Variants in LINGO2 observed in about 807,000 individuals in gnomAD.
LINGO2 encodes leucine rich repeat and Ig domain containing 2.
In LINGO2, 14 loss-of-function variants were observed where a neutral mutation model predicts 30.6. That is an observed-to-expected ratio of 0.46 (90% CI 0.30 to 0.72). LINGO2 has a LOEUF of 0.72. LINGO2 is among the 30% of genes least tolerant of loss of function. LINGO2 has a pLI of 0.07. For synonymous variants in LINGO2, 317 were observed against 288.5 expected, an observed-to-expected ratio of 1.10 and a Z score of -1.00; for missense variants, 729 against 751.7, an observed-to-expected ratio of 0.97 and a Z score of 0.35.
At chr9:28,022,712 C>G (rs978616096) in intron 4 of LINGO2, among the ~76,000 whole-genome samples, 2 of 151,712 alleles carry the variant, frequency 1.3e-5, no homozygotes, top group African/African-American at 2.4e-5. Flanking sequence ...TGCTGAACTT[C>G]TTGGATTCTG....
chr9:28,610,913 T>G (rs182832861), intron 1 of LINGO2, among the ~76,000 whole-genome samples: 2 of 152,304 alleles, frequency 1.3e-5, no homozygotes, highest in East Asian at 3.9e-4. Context: ...CTTTGAAATC[T>G]AAATTGTATT....
intron 4 of LINGO2, among the ~76,000 whole-genome samples, chr9:28,145,615 T>C (rs1376280985): frequency 6.6e-6 from 1 of 152,038 alleles, no homozygotes; most frequent in East Asian, 1.9e-4. Flanking sequence ...GAAAACCATG[T>C]GTTAATTTTT....
At chr9:29,195,291 A>C in the LINGO2 span, among the ~76,000 whole-genome samples, 4 of 151,798 alleles carry the variant, frequency 2.6e-5, no homozygotes, top group East Asian at 7.7e-4. Context: ...TATTGATTTT[A>C]TTGTTTCCTT....
At chr9:28,552,745 T>C (rs1282218147) in intron 1 of LINGO2, among the ~76,000 whole-genome samples, 2 of 151,740 alleles carry the variant, frequency 1.3e-5, no homozygotes, top group Admixed American at 6.6e-5. Flanking sequence ...TCCCTAATTT[T>C]ATTTTATTTT....
chr9:28,807,441 T>C, the LINGO2 span, among the ~76,000 whole-genome samples: 1 of 152,318 alleles, frequency 6.6e-6, no homozygotes, highest in Admixed American at 6.5e-5. Flanking sequence ...ATTTTCCCTT[T>C]ACTTTCAAAT....
the LINGO2 span, among the ~76,000 whole-genome samples, chr9:28,975,363 T>C: frequency 1.7e-4 from 26 of 152,210 alleles, no homozygotes; most frequent in African/African-American, 2.4e-4. Flanking sequence ...GTGACTCAGA[T>C]GGTTAATGTA....
chr9:28,204,605 T>C (rs947115706), intron 4 of LINGO2, among the ~76,000 whole-genome samples: 5 of 152,154 alleles, frequency 3.3e-5, no homozygotes, highest in Non-Finnish European at 5.9e-5. Flanking sequence ...CATTGATTGA[T>C]TGCCCCTCAG....
At chr9:28,374,430 A>G (rs1821042436) in intron 2 of LINGO2, among the ~76,000 whole-genome samples, 1 of 152,040 alleles carries the variant, frequency 6.6e-6, no homozygotes. Flanking sequence ...AGGACATCCA[A>G]AAATAAATGC....
chr9:28,439,486 C>T (rs1824100398), intron 2 of LINGO2, among the ~76,000 whole-genome samples: 1 of 152,060 alleles, frequency 6.6e-6, no homozygotes, highest in African/African-American at 2.4e-5. Flanking sequence ...TTGTAATTCC[C>T]AGTGTTGGAG....
chr9:28,447,974 T>G (rs964951524), intron 2 of LINGO2, among the ~76,000 whole-genome samples: 2 of 152,136 alleles, frequency 1.3e-5, no homozygotes, highest in African/African-American at 4.8e-5. Context: ...TTTTAATTGA[T>G]GCCAGAGATA....
intron 2 of LINGO2, among the ~76,000 whole-genome samples, chr9:28,464,754 G>T (rs999105769): frequency 1.4e-4 from 22 of 152,160 alleles, no homozygotes; most frequent in African/African-American, 5.3e-4. Context: ...TTACTTAATA[G>T]CTCACTACTT....
chr9:28,216,660 T>G (rs1450826070), intron 4 of LINGO2, among the ~76,000 whole-genome samples: 2 of 151,898 alleles, frequency 1.3e-5, no homozygotes, highest in African/African-American at 4.8e-5. Context: ...TTTTGAGAAT[T>G]TATGGAATAC....
chr9:28,843,143 A>T, the LINGO2 span, among the ~76,000 whole-genome samples: 2 of 152,030 alleles, frequency 1.3e-5, no homozygotes, highest in East Asian at 3.9e-4. Flanking sequence ...AAATTAAAAT[A>T]TATGCAATAA....
At chr9:28,859,812 A>AGGAACTGTACACCT in the LINGO2 span, among the ~76,000 whole-genome samples, 1 of 152,056 alleles carries the variant, frequency 6.6e-6, no homozygotes, top group Non-Finnish European at 1.5e-5. Context: ...GCAGTACACC[A>AGGAACTGTACACCT]GGAACTGTAA....
intron 4 of LINGO2, among the ~76,000 whole-genome samples, chr9:28,223,246 A>G (rs1821029736): frequency 6.6e-6 from 1 of 152,212 alleles, no homozygotes; most frequent in Non-Finnish European, 1.5e-5. Flanking sequence ...TCCAAGATCA[A>G]GCCTCCAGCA....
chr9:28,707,204 G>T, the LINGO2 span, among the ~76,000 whole-genome samples: 2 of 152,056 alleles, frequency 1.3e-5, no homozygotes, highest in African/African-American at 4.8e-5. Context: ...AAATATTGAG[G>T]TGTCTCATGA....
the LINGO2 span, among the ~76,000 whole-genome samples, chr9:29,028,629 G>A: frequency 6.6e-6 from 1 of 152,104 alleles, no homozygotes; most frequent in African/African-American, 2.4e-5. Flanking sequence ...TAGAAATGAT[G>A]GTTTGCCTAT....
rs150332394 is a variant in LINGO2, at chr9:28,105,151, C to G, written c.-86-92746G>C. Among the ~76,000 whole-genome samples, 47 of 152,238 alleles carry G rather than the reference C, an allele frequency of 3.1e-4. No homozygotes were observed. The East Asian group carries it at 8.1e-3, about 26-fold the overall frequency. On this transcript the variant is annotated intron_variant, in intron 4 of 5. Transcript: ENST00000379992. ...AGAAAGTAAGAATATGCATGAACAG[C>G]TGAAGACAAAAATACTCCACTTCTG...
At chr9:28,995,728 G>A in the LINGO2 span, among the ~76,000 whole-genome samples, 1 of 152,230 alleles carries the variant, frequency 6.6e-6, no homozygotes, top group South Asian at 2.1e-4. Flanking sequence ...TAGGGACATG[G>A]ATGAAACTGG....
Sources: gnomAD v4.1 joint callset for allele counts (sites outside exome capture counted in the v4.1 genomes callset) on GRCh38, gnomAD v4.1.1 for gene constraint, MANE v1.5 for transcripts, NCBI Gene and HGNC (gene_info 2026-07-23, HGNC 2026-07-21) for gene names.